Variants in FAT3 observed in about 807,000 individuals in gnomAD.
The protein encoded by FAT3 is FAT atypical cadherin 3, also known as protocadherin Fat 3.
In FAT3, 95 loss-of-function variants were observed where a neutral mutation model predicts 310.2. The ratio of observed to expected loss-of-function variants is 0.31; its 90% CI spans 0.26 to 0.36. FAT3 has a LOEUF of 0.36. Ranked by LOEUF, FAT3 falls within the 10% of genes least tolerant of loss-of-function variation. The pLI is 1.00. For synonymous variants in FAT3, 2,314 were observed against 2,192.9 expected, an observed-to-expected ratio of 1.06 and a Z score of -1.54; for missense variants, 5,408 against 5,715.6, an observed-to-expected ratio of 0.95 and a Z score of 1.74.
At chr11:92,378,358 G>A (rs921774434) in intron 2 of FAT3, among the ~76,000 whole-genome samples, 1 of 152,018 alleles carries the variant, frequency 6.6e-6, no homozygotes, top group Admixed American at 6.6e-5. Context: ...CTTTATCATC[G>A]AGATAGTTAT....
intron 8 of FAT3, among the ~76,000 whole-genome samples, chr11:92,790,721 A>G (rs999786772): frequency 3.3e-5 from 5 of 152,216 alleles, no homozygotes; most frequent in Non-Finnish European, 7.3e-5. Flanking sequence ...TACATGCTCA[A>G]GCCTACAGAG....
intron 3 of FAT3, among the ~76,000 whole-genome samples, chr11:92,652,605 C>T (rs1330284172): frequency 6.6e-6 from 1 of 152,174 alleles, no homozygotes; most frequent in East Asian, 1.9e-4. Flanking sequence ...TCCCCAGAGA[C>T]CATCTTCTTC....
At chr11:92,592,727 T>C (rs994295968) in intron 3 of FAT3, among the ~76,000 whole-genome samples, 7 of 152,166 alleles carry the variant, frequency 4.6e-5, no homozygotes, top group African/African-American at 1.7e-4. Flanking sequence ...TGAGCACTAA[T>C]GGATAGTTGA....
chr11:92,397,044 A>G (rs1213840210), intron 2 of FAT3, among the ~76,000 whole-genome samples: 1 of 152,122 alleles, frequency 6.6e-6, no homozygotes, highest in Non-Finnish European at 1.5e-5. Context: ...ACCTTTATAA[A>G]TAAATGAGAT....
intron 2 of FAT3, among the ~76,000 whole-genome samples, chr11:92,462,744 C>G (rs1565335690): frequency 6.6e-6 from 1 of 152,182 alleles, no homozygotes; most frequent in Admixed American, 6.5e-5. Context: ...TCCATTTCAA[C>G]AACTTGTTCA....
intron 1 of FAT3, among the ~76,000 whole-genome samples, chr11:92,281,467 C>G (rs553288601): frequency 6.6e-6 from 1 of 152,230 alleles, no homozygotes; most frequent in African/African-American, 2.4e-5. Context: ...CCGCACACTC[C>G]CTTGCTGATC....
chr11:92,828,782 G>A (rs1349523625), intron 13 of FAT3, among the ~76,000 whole-genome samples: 1 of 152,178 alleles, frequency 6.6e-6, no homozygotes, highest in Non-Finnish European at 1.5e-5. Flanking sequence ...CTAGTCAGCT[G>A]AGCAGGAAGC....
chr11:92,350,021 G>A (rs894719318), intron 1 of FAT3, among the ~76,000 whole-genome samples: 1 of 151,468 alleles, frequency 6.6e-6, no homozygotes, highest in African/African-American at 2.4e-5. Flanking sequence ...TATGGAGAGA[G>A]CCTGAGCTCT....
intron 2 of FAT3, among the ~76,000 whole-genome samples, chr11:92,518,217 A>G (rs1304916762): frequency 6.6e-6 from 1 of 152,220 alleles, no homozygotes; most frequent in African/African-American, 2.4e-5. Flanking sequence ...ATGCACACGT[A>G]TGTTTACTGC....
intron 7 of FAT3, among the ~76,000 whole-genome samples, chr11:92,778,531 T>G (rs960585574): frequency 2.0e-5 from 3 of 152,188 alleles, no homozygotes; most frequent in Non-Finnish European, 4.4e-5. Context: ...ACAAACAACT[T>G]AAACCTTCCA....
intron 3 of FAT3, among the ~76,000 whole-genome samples, chr11:92,660,571 G>A (rs1390812531): frequency 2.0e-5 from 3 of 152,184 alleles, no homozygotes; most frequent in Admixed American, 6.5e-5. Flanking sequence ...GTGGAATCTT[G>A]TCTTAAGCAT....
intron 22 of FAT3, among the ~76,000 whole-genome samples, chr11:92,869,619 C>T (rs1232195236): frequency 6.6e-6 from 1 of 152,116 alleles, no homozygotes; most frequent in Admixed American, 6.5e-5. Context: ...GAGCCTATAT[C>T]CTATCTGCAA....
chr11:92,702,750 G>A (rs1420598951), intron 4 of FAT3, among the ~76,000 whole-genome samples: 1 of 152,194 alleles, frequency 6.6e-6, no homozygotes, highest in Non-Finnish European at 1.5e-5. Flanking sequence ...CTTGCTTGCT[G>A]AAGAGTATTA....
intron 3 of FAT3, among the ~76,000 whole-genome samples, chr11:92,658,917 G>A (rs115475491): frequency 4.7e-4 from 64 of 135,724 alleles, no homozygotes; most frequent in African/African-American, 1.5e-3. Context: ...TGTCATCATC[G>A]TCATTATCAT....
At chr11:92,530,026 T>A (rs1448022093) in intron 3 of FAT3, among the ~76,000 whole-genome samples, 1 of 152,206 alleles carries the variant, frequency 6.6e-6, no homozygotes, top group Non-Finnish European at 1.5e-5. Context: ...CTTTAAGTAT[T>A]GATTACTCCT....
At chr11:92,398,496 G>T (rs1359117235) in intron 2 of FAT3, among the ~76,000 whole-genome samples, 3 of 99,232 alleles carry the variant, frequency 3.0e-5, no homozygotes, top group Admixed American at 1.3e-4. Flanking sequence ...GTGTAACTCC[G>T]TCCCAAAAAA....
At chr11:92,721,494 A>G (rs1431391144) in intron 4 of FAT3, among the ~76,000 whole-genome samples, 3 of 152,238 alleles carry the variant, frequency 2.0e-5, no homozygotes, top group Non-Finnish European at 4.4e-5. Flanking sequence ...TAATTTACAT[A>G]CACTTACATA....
At chr11:92,637,841 A>T (rs1030158951) in intron 3 of FAT3, among the ~76,000 whole-genome samples, 15 of 152,236 alleles carry the variant, frequency 9.9e-5, no homozygotes, top group African/African-American at 3.6e-4. Context: ...CTTATTATAC[A>T]TGAGGCTTTG....
intron 2 of FAT3, among the ~76,000 whole-genome samples, chr11:92,468,215 G>A (rs1333327929): frequency 1.3e-5 from 2 of 152,286 alleles, no homozygotes; most frequent in East Asian, 1.9e-4. Context: ...ATAGAGCATG[G>A]ATTGTAGCCC....
Sources: gnomAD v4.1 joint callset for allele counts (sites outside exome capture counted in the v4.1 genomes callset) on GRCh38, gnomAD v4.1.1 for gene constraint, MANE v1.5 for transcripts, NCBI Gene and HGNC (gene_info 2026-07-23, HGNC 2026-07-21) for gene names.